Variants in THSD7B observed in about 807,000 individuals in gnomAD.
The protein encoded by THSD7B is thrombospondin type 1 domain containing 7B, also known as thrombospondin type-1 domain-containing protein 7B.
THSD7B carries 138 observed loss-of-function variants against 213.6 expected under a neutral mutation model. The ratio of observed to expected loss-of-function variants is 0.65; its 90% CI spans 0.56 to 0.74. The LOEUF (loss-of-function observed/expected upper bound fraction) is 0.74, where lower values mean the gene tolerates loss of function less well. THSD7B is among the 30% of genes least tolerant of loss of function. The pLI, the probability that THSD7B is intolerant of heterozygous loss-of-function variation, is 0.00. For missense variants in THSD7B, 1,931 were observed against 1,991.5 expected (o/e 0.97, Z 0.58); for synonymous variants, 742 against 687.0 (o/e 1.08, Z -1.25).
chr2:137,391,549 A>G (rs182503714), intron 12 of THSD7B, among the ~76,000 whole-genome samples: 14 of 152,106 alleles, frequency 9.2e-5, no homozygotes, highest in Admixed American at 2.6e-4. Flanking sequence ...TTAGCCGGGC[A>G]TGGTAGCATG....
chr2:137,088,393 A>G (rs1687882927), intron 3 of THSD7B, among the ~76,000 whole-genome samples: 1 of 152,046 alleles, frequency 6.6e-6, no homozygotes. Context: ...ACTCCCTTTT[A>G]AACAAATGGT....
chr2:137,089,590 A>G (rs978167934), intron 3 of THSD7B, among the ~76,000 whole-genome samples: 3 of 152,054 alleles, frequency 2.0e-5, no homozygotes, highest in Non-Finnish European at 4.4e-5. Flanking sequence ...GTCCTCACTC[A>G]TAAGTGGGAG....
At chr2:137,077,898 T>C (rs564378738) in intron 3 of THSD7B, among the ~76,000 whole-genome samples, 6 of 152,234 alleles carry the variant, frequency 3.9e-5, no homozygotes, top group African/African-American at 1.2e-4. Context: ...GAAGTCCTTG[T>C]CCATGCCTAT....
At chr2:136,943,574 A>G (rs1030084602) in intron 2 of THSD7B, among the ~76,000 whole-genome samples, 1 of 152,172 alleles carries the variant, frequency 6.6e-6, no homozygotes, top group Non-Finnish European at 1.5e-5. Context: ...TTATTGGTCT[A>G]TTCAGAGATT....
At chr2:137,587,012 T>C (rs912514956) in intron 17 of THSD7B, among the ~76,000 whole-genome samples, 2 of 152,242 alleles carry the variant, frequency 1.3e-5, no homozygotes, top group African/African-American at 4.8e-5. Flanking sequence ...TAGTCCCATA[T>C]TTCTTGGAGG....
intron 5 of THSD7B, among the ~76,000 whole-genome samples, chr2:137,153,449 G>A (rs2104977243): frequency 6.6e-6 from 1 of 152,242 alleles, no homozygotes; most frequent in South Asian, 2.1e-4. Context: ...CTGCCAAATT[G>A]TATTGCATGG....
chr2:136,825,636 C>A (rs902337067), intron 1 of THSD7B, among the ~76,000 whole-genome samples: 31 of 151,908 alleles, frequency 2.0e-4, no homozygotes, highest in African/African-American at 7.5e-4. Context: ...CTCACTGCAA[C>A]CACCTCCTGG....
intron 10 of THSD7B, among the ~76,000 whole-genome samples, chr2:137,262,879 G>C (rs2105084487): frequency 6.6e-6 from 1 of 152,256 alleles, no homozygotes; most frequent in South Asian, 2.1e-4. Flanking sequence ...CTAGGAATTT[G>C]AGAAAGCATC....
At chr2:137,658,875 G>A (rs933888004) in intron 24 of THSD7B, among the ~76,000 whole-genome samples, 3 of 152,114 alleles carry the variant, frequency 2.0e-5, no homozygotes, top group African/African-American at 4.8e-5. Context: ...TTATCCAAAC[G>A]CTAGAACCTT....
intron 2 of THSD7B, among the ~76,000 whole-genome samples, chr2:137,034,903 T>G (rs572827255): frequency 2.6e-5 from 4 of 152,200 alleles, no homozygotes; most frequent in Non-Finnish European, 5.9e-5. Flanking sequence ...TAAACATACA[T>G]GTGCATGTGT....
rs565622757 is a variant in THSD7B, at chr2:136,810,945, T to A, written c.-36+45258T>A. On this transcript the variant is annotated intron_variant, in intron 1 of 27. Transcript: ENST00000409968. The stretch of plus-strand genomic sequence containing the variant: ...CTTGCACTGAATGTGGGGTGGTAGA[T>A]CCTGCTGAGAGCTGTGCTGCATTAA... 9.2e-5 allele frequency among the ~76,000 whole-genome samples: 14 copies of A among 152,312 alleles called. No homozygotes were observed. In the South Asian group the frequency reaches 2.7e-3, roughly 29 times the overall value.
At chr2:137,656,512 A>G (rs1167074175) in intron 22 of THSD7B, among the ~76,000 whole-genome samples, 2 of 152,208 alleles carry the variant, frequency 1.3e-5, no homozygotes, top group Non-Finnish European at 2.9e-5. Flanking sequence ...TAAAAGTTTT[A>G]TTAACACTAG....
chr2:137,612,227 T>G (rs1448651728), intron 17 of THSD7B, among the ~76,000 whole-genome samples: 1 of 152,196 alleles, frequency 6.6e-6, no homozygotes, highest in Admixed American at 6.5e-5. Flanking sequence ...ATGGTTCAAA[T>G]GCAATGTAAT....
At chr2:137,118,283 C>G (rs1408943872) in intron 5 of THSD7B, among the ~76,000 whole-genome samples, 1 of 152,076 alleles carries the variant, frequency 6.6e-6, no homozygotes, top group African/African-American at 2.4e-5. Flanking sequence ...AAAATTAAAG[C>G]CACTCAGTTT....
At chr2:137,205,513 T>A (rs1680967430) in intron 7 of THSD7B, among the ~76,000 whole-genome samples, 1 of 152,124 alleles carries the variant, frequency 6.6e-6, no homozygotes, top group Non-Finnish European at 1.5e-5. Flanking sequence ...GTAGTTTTTG[T>A]TCCTTTTTTG....
Position 136,765,687 on chromosome 2 carries a change from G to C in THSD7B, c.-36G>C, listed in dbSNP as rs1294760134. On this transcript the variant is annotated splice_region_variant and 5_prime_UTR_variant, in exon 1 of 28. Coordinates refer to ENST00000409968, the MANE Select transcript of THSD7B (RefSeq NM_001316349.2). ...TTACGGCGGCGGCTCTGGCGAGACGGGTGAGTGCAAGCACGCGGAGCCCCG... is the reference window on the plus strand; with the variant it reads ...TTACGGCGGCGGCTCTGGCGAGACGCGTGAGTGCAAGCACGCGGAGCCCCG... 6.6e-6 allele frequency: 1 copy of C among 152,264 alleles called. No homozygotes were observed. The highest frequency in any genetic ancestry group is 1.5e-5 in the Non-Finnish European group (1 of 68,104). The allele number at this position is 152,264 out of a possible 1,614,324, so 9.4% of individuals were successfully genotyped here.
At chr2:137,080,629 T>C (rs1299853162) in intron 3 of THSD7B, among the ~76,000 whole-genome samples, 1 of 152,150 alleles carries the variant, frequency 6.6e-6, no homozygotes, top group Non-Finnish European at 1.5e-5. Context: ...TAGTGCTGTT[T>C]GTTATGTCAG....
At position 137,322,814 on chromosome 2, in the gene THSD7B, C is replaced by T. The variant is rs140382716; in HGVS notation, c.2500+46788C>T. ...ATTCTGATTTCTAGACTTGGAACAT[C>T]TCTGTTTGTCATAGAGCCTCACCTT... is the stretch of plus-strand genomic sequence containing the variant. On this transcript the variant is annotated intron_variant, in intron 12 of 27. Transcript: ENST00000409968. Among the ~76,000 whole-genome samples the T allele has an allele frequency of 8.5e-3, 1,289 of 152,276 alleles. 16 individuals carry two copies. Among genetic ancestry groups the T allele is most frequent in the African/African-American group, 0.029 (1,221 of 41,550 alleles).
chr2:137,578,020 A>G (rs1263051947), intron 17 of THSD7B, among the ~76,000 whole-genome samples: 2 of 152,324 alleles, frequency 1.3e-5, no homozygotes, highest in Admixed American at 6.5e-5. Flanking sequence ...AATGTTATAA[A>G]GGGCAAAATA....
Sources: gnomAD v4.1 joint callset for allele counts (sites outside exome capture counted in the v4.1 genomes callset) on GRCh38, gnomAD v4.1.1 for gene constraint, MANE v1.5 for transcripts, NCBI Gene and HGNC (gene_info 2026-07-23, HGNC 2026-07-21) for gene names.